Variants in ANK1 observed in about 807,000 individuals in gnomAD.
ANK1 encodes the protein ankyrin-1.
Under a neutral mutation model 210.4 loss-of-function variants are expected in ANK1, and 51 were observed. The observed-to-expected ratio is 0.24, with a 90% CI of 0.19 to 0.31. ANK1 has a LOEUF of 0.31. Among genes scored for constraint, ANK1 ranks in the 10% least tolerant of loss-of-function variants. ANK1 has a pLI of 1.00. For synonymous variants in ANK1, 967 were observed against 1,025.9 expected (o/e 0.94, Z 1.10); for missense variants, 2,051 against 2,504.4 (o/e 0.82, Z 3.86).
In ANK1 at chr8:41,836,924, GAA is replaced by G. The variant is rs869199711; in HGVS notation, c.126+59429_126+59430del. On this transcript the variant is annotated intron_variant, in intron 1 of 42. Coordinates refer to the ANK1 transcript ENST00000265709. ...AACAGAGTAAGAAGCTATCTCTGGG[GAA>G]AAAAAAAAAAAAAACAAAAGGAGGG... is the stretch of plus-strand genomic sequence containing the variant. Among the ~76,000 whole-genome samples the G allele has an allele frequency of 4.8e-3, 575 of 120,076 alleles. 5 individuals carry two copies. The highest frequency in any genetic ancestry group is 0.016 in the African/African-American group (542 of 34,420). 78.8% of individuals were successfully genotyped at this position (120,076 alleles called of 152,430 possible). A position where few individuals can be genotyped will look rare whatever the true frequency, so the allele number is the denominator to read the frequency against.
At chr8:41,806,646 A>C (rs1851009047) in intron 1 of ANK1, among the ~76,000 whole-genome samples, 1 of 152,230 alleles carries the variant, frequency 6.6e-6, no homozygotes, top group Non-Finnish European at 1.5e-5. Flanking sequence ...TAGAGGCTGC[A>C]GTGAACCATG....
chr8:41,684,430 A>G (rs535356476), intron 37 of ANK1, 114 bp downstream of exon 37: 191 of 1,489,542 alleles, frequency 1.3e-4, no homozygotes, highest in Non-Finnish European at 1.7e-4. Flanking sequence ...CCTCCCACCA[A>G]TGGGAGGCAG....
At chr8:41,887,243 T>C (rs34399525) in intron 1 of ANK1, among the ~76,000 whole-genome samples, 1 of 26,968 alleles carries the variant, frequency 3.7e-5, no homozygotes, top group Non-Finnish European at 5.6e-5. Context: ...TTTCCTTTCC[T>C]TTTTTTTTTT....
intron 3 of ANK1, 123 bp from the exon 4 acceptor site, chr8:41,728,129 T>A: frequency 1.3e-6 from 1 of 794,730 alleles, no homozygotes; most frequent in Non-Finnish European, 2.1e-6. Context: ...CCAAAAGGGG[T>A]AGAAAGGACA....
At chr8:41,670,075 T>A (rs1183349815) in intron 38 of ANK1, among the ~76,000 whole-genome samples, 1 of 151,980 alleles carries the variant, frequency 6.6e-6, no homozygotes, top group East Asian at 1.9e-4. Flanking sequence ...CACGCCTACC[T>A]CCTGTCCTCC....
intron 2 of ANK1, among the ~76,000 whole-genome samples, chr8:41,740,879 A>G (rs1331786242): frequency 6.6e-6 from 1 of 152,166 alleles, no homozygotes; most frequent in Non-Finnish European, 1.5e-5. Flanking sequence ...TGCCTCCCAC[A>G]CCTGGACAGC....
intron 1 of ANK1, among the ~76,000 whole-genome samples, chr8:41,845,210 C>T (rs2150807670): frequency 6.6e-6 from 1 of 152,108 alleles, no homozygotes; most frequent in East Asian, 1.9e-4. Flanking sequence ...CATGGTGAAA[C>T]CCCGTCTCTA....
intron 39 of ANK1, among the ~76,000 whole-genome samples, chr8:41,667,241 A>G (rs1346747118): frequency 1.3e-5 from 2 of 152,202 alleles, no homozygotes; most frequent in Non-Finnish European, 2.9e-5. Flanking sequence ...TATGGCTGGC[A>G]GCTCAGGGCC....
rs1805099495 is a variant in ANK1 at position 41,654,629 on chromosome 8, CT to C, written c.*1160del. 6.5e-6 allele frequency: 1 copy of C among 152,700 alleles called. No homozygotes were observed. Among genetic ancestry groups the C allele is most frequent in the Non-Finnish European group, 1.5e-5 (1 of 68,072 alleles). The allele number at this position is 152,700 out of a possible 1,614,324, so 9.5% of individuals were successfully genotyped here. A position where few individuals can be genotyped will look rare whatever the true frequency, so the allele number is the denominator to read the frequency against. The stretch of plus-strand genomic sequence containing the variant: ...TTCACTGAAAGACAGGCCACAGCTC[CT>C]TCTCCTGCAGCCGCAGAAGTCCTCA... On this transcript the variant is annotated 3_prime_UTR_variant, in exon 43 of 43. Transcript: ENST00000289734.
At chr8:41,800,720 T>C (rs1425433367), upstream of ANK1, among the ~76,000 whole-genome samples, 1 of 152,136 alleles carries the variant, frequency 6.6e-6, no homozygotes, top group African/African-American at 2.4e-5. Context: ...CTTATGGTTG[T>C]ATGATTTTTG....
chr8:41,752,048 CT>C, intron 2 of ANK1, among the ~76,000 whole-genome samples: 1 of 152,156 alleles, frequency 6.6e-6, no homozygotes, highest in Non-Finnish European at 1.5e-5. Flanking sequence ...CCCAAGAATA[CT>C]GTTCCCCAGA....
intron 13 of ANK1, 74 bp from the exon 14 acceptor site, chr8:41,715,923 G>T: frequency 6.4e-7 from 1 of 1,566,850 alleles, no homozygotes; most frequent in Non-Finnish European, 8.7e-7. Context: ...TTACAGAGAA[G>T]CAAGGCAGGG....
intron 6 of ANK1, 60 bp from the exon 7 acceptor site, chr8:41,724,614 A>G (rs1830205194): frequency 2.7e-6 from 4 of 1,490,464 alleles, no homozygotes; most frequent in Non-Finnish European, 2.7e-6. Flanking sequence ...TCTCAGAATC[A>G]GCCCTGGGAT....
At chr8:41,689,501 T>C (rs1818677208) in intron 33 of ANK1, among the ~76,000 whole-genome samples, 1 of 152,218 alleles carries the variant, frequency 6.6e-6, no homozygotes, top group East Asian at 1.9e-4. Flanking sequence ...GATTGAGCCA[T>C]GGACTTATGA....
intron 1 of ANK1, among the ~76,000 whole-genome samples, chr8:41,880,560 T>C (rs1817398040): frequency 6.6e-6 from 1 of 152,184 alleles, no homozygotes; most frequent in South Asian, 2.1e-4. Context: ...GTCCCACCGA[T>C]ATGTCCTGCA....
At chr8:41,891,699 A>T (rs1435095070) in intron 1 of ANK1, among the ~76,000 whole-genome samples, 1 of 152,216 alleles carries the variant, frequency 6.6e-6, no homozygotes, top group Non-Finnish European at 1.5e-5. Context: ...GCAGGCTGGG[A>T]AAATTCCCAC....
chr8:41,699,413 C>G (rs1822036818), intron 23 of ANK1, 39 bp downstream of exon 23: 1 of 1,592,534 alleles, frequency 6.3e-7, no homozygotes, highest in African/African-American at 1.3e-5. Flanking sequence ...AGGGTTGCAT[C>G]TCGGCACCCC....
rs934161620 is a variant in ANK1 at position 41,816,525 on chromosome 8, A to G, written c.127-58388T>C. ...GCAATCATAGCTCACTACAACCTCG[A>G]ACTTCTGGGCTCAAGGGATCCTCCC... On this transcript the variant is annotated intron_variant, in intron 1 of 42. Coordinates refer to the ANK1 transcript ENST00000265709. Among the ~76,000 whole-genome samples, 3 of 152,104 alleles carry G rather than the reference A, an allele frequency of 2.0e-5. No homozygotes were observed. The East Asian group carries it at 5.8e-4, about 29-fold the overall frequency.
chr8:41,797,663 A>C, upstream of ANK1: 1 of 1,451,814 alleles, frequency 6.9e-7, no homozygotes, highest in Non-Finnish European at 9.2e-7. This position sits in a 1 kb window ranked among gnomAD's most constrained non-coding sequence, Gnocchi z 4.0. Context: ...CGAGGGCCTT[A>C]TCGGCCCCAG....
Sources: gnomAD v4.1 joint callset for allele counts (sites outside exome capture counted in the v4.1 genomes callset) on GRCh38, gnomAD v4.1.1 for gene constraint, Gnocchi (gnomAD v3.1) non-coding constraint, MANE v1.5 for transcripts, NCBI Gene and HGNC (gene_info 2026-07-23, HGNC 2026-07-21) for gene names.